Variants in PCDHGB2 observed in about 807,000 individuals in gnomAD.
The protein encoded by PCDHGB2 is protocadherin gamma subfamily B, 2, also known as protocadherin gamma-B2.
A neutral mutation model predicts 59.3 loss-of-function variants in PCDHGB2; 55 were observed. The observed-to-expected ratio is 0.93, with a 90% CI of 0.75 to 1.16. The LOEUF (loss-of-function observed/expected upper bound fraction) is 1.16. PCDHGB2 is among the 50% of genes most tolerant of loss of function. The probability of loss-of-function intolerance (pLI) is 0.00; values close to 1 mark genes in which losing one functional copy is unlikely to be tolerated. For synonymous variants in PCDHGB2, 516 were observed against 512.0 expected, an observed-to-expected ratio of 1.01 and a Z score of -0.11; for missense variants, 1,228 against 1,198.5, an observed-to-expected ratio of 1.02 and a Z score of -0.36.
rs187164796 is a variant in PCDHGB2, at chr5:141,398,527, A to C, written c.2421+35971A>C. On this transcript the variant is annotated intron_variant, in intron 1 of 3. Transcript: ENST00000522605. ...CATTAATGACCACACGCCAAAATTC[A>C]CGCAAAATTCCTTTGAGCTGCAAAT... 1.8e-3 allele frequency: 2,980 copies of C among 1,613,696 alleles called. 47 individuals are homozygous for C. The African/African-American group carries it at 0.033, about 18-fold the overall frequency.
At chr5:141,497,354 A>G (rs1430368474) in intron 2 of PCDHGB2, among the ~76,000 whole-genome samples, 1 of 152,054 alleles carries the variant, frequency 6.6e-6, no homozygotes, top group Non-Finnish European at 1.5e-5. Flanking sequence ...AGCCCCACCA[A>G]CTGCCTCTCA....
At chr5:141,508,408 C>T (rs938019804) in intron 3 of PCDHGB2, 1 of 152,180 alleles carries the variant, frequency 6.6e-6, no homozygotes, top group Non-Finnish European at 1.5e-5. Context: ...GCTTGAGCCA[C>T]GCAGAGACTT....
Position 141,365,565 on chromosome 5 carries a change from G to A in PCDHGB2, c.2421+3009G>A, listed in dbSNP as rs140294664. The A allele has an allele frequency of 1.9e-6, 3 of 1,613,720 alleles. No individual in the cohort carries two copies. The Admixed American group carries it at 5.0e-5, about 27-fold the overall frequency. On this transcript the variant is annotated intron_variant, in intron 1 of 3. Transcript: ENST00000522605. ...CTATTAACAACTAGGGACCTGGACA[G>A]AGAAGAGACTTCAGATTATAATATC...
intron 1 of PCDHGB2, chr5:141,374,879 G>C (rs767481676): frequency 6.2e-7 from 1 of 1,613,694 alleles, no homozygotes; most frequent in Admixed American, 1.7e-5. Flanking sequence ...GGCAGTGACT[G>C]CCACCGACCA....
In PCDHGB2 at chr5:141,421,081, A is replaced by C. The variant is rs775366249; in HGVS notation, c.2421+58525A>C. 61 of 637,820 alleles carry C rather than the reference A, an allele frequency of 9.6e-5. 1 individual carries two copies. The Middle Eastern group carries it at 2.9e-3, about 31-fold the overall frequency. The allele number at this position is 637,820 out of a possible 1,614,324, so 39.5% of individuals were successfully genotyped here. ...ACAAAGCGGAATGAGATGGATACTCACAGATCCTGACACTGGAGACTTAGA... is the reference window on the plus strand; with the variant it reads ...ACAAAGCGGAATGAGATGGATACTCCCAGATCCTGACACTGGAGACTTAGA... On this transcript the variant is annotated intron_variant, in intron 1 of 3. Coordinates refer to ENST00000522605, the MANE Select transcript of PCDHGB2 (RefSeq NM_018923.3).
chr5:141,362,763 G>A, intron 1 of PCDHGB2: 2 of 636,758 alleles, frequency 3.1e-6, no homozygotes, highest in South Asian at 2.1e-5. Flanking sequence ...TTTATCACAT[G>A]AGATATTGCA....
At chr5:141,481,913 CA>C (rs34114744) in intron 1 of PCDHGB2, among the ~76,000 whole-genome samples, 39,195 of 90,872 alleles carry the variant, frequency 0.43, 5,902 homozygotes, top group Admixed American at 0.51. Flanking sequence ...AACTCCATCT[CA>C]AAAAAAAAAA....
Position 141,384,136 on chromosome 5 carries a change from G to A in PCDHGB2, c.2421+21580G>A. ...GGTCACAACCAAAAACTTGGACCGG[G>A]AAACACTCTCTTTGTATAACATCAC... is the stretch of plus-strand genomic sequence containing the variant. On this transcript the variant is annotated intron_variant, in intron 1 of 3. Coordinates refer to ENST00000522605, the MANE Select transcript of PCDHGB2 (RefSeq NM_018923.3). The A allele has an allele frequency of 1.9e-6, 3 of 1,612,410 alleles. No individual in the cohort carries two copies. In the South Asian group the frequency reaches 3.3e-5, roughly 18 times the overall value.
At chr5:141,475,014 C>G (rs2099358221) in intron 1 of PCDHGB2, among the ~76,000 whole-genome samples, 1 of 152,202 alleles carries the variant, frequency 6.6e-6, no homozygotes, top group South Asian at 2.1e-4. Flanking sequence ...AAAGTTAAGG[C>G]TCTTTATTCT....
chr5:141,494,701 C>G, intron 1 of PCDHGB2, 106 bp from the exon 2 acceptor site: 1 of 1,594,596 alleles, frequency 6.3e-7, no homozygotes, highest in Non-Finnish European at 8.6e-7. Context: ...CCGTTTTCTT[C>G]TCTGTGCCCA....
chr5:141,421,473 C>T (rs907282414), intron 1 of PCDHGB2: 10 of 1,613,994 alleles, frequency 6.2e-6, no homozygotes, highest in Middle Eastern at 1.6e-4. Context: ...ATCCGCGAAG[C>T]GGCAGCTTGA....
intron 3 of PCDHGB2, among the ~76,000 whole-genome samples, chr5:141,509,685 A>G (rs923641083): frequency 6.6e-6 from 1 of 152,166 alleles, no homozygotes. Flanking sequence ...TCTTCTGTAC[A>G]GTGGGACGTT....
chr5:141,436,185 A>G (rs1324749623), intron 1 of PCDHGB2, among the ~76,000 whole-genome samples: 1 of 152,142 alleles, frequency 6.6e-6, no homozygotes, highest in Non-Finnish European at 1.5e-5. Flanking sequence ...ATATAGTCAA[A>G]TAGAAAGAAA....
intron 1 of PCDHGB2, chr5:141,419,328 C>T (rs2096360351): frequency 6.2e-7 from 1 of 1,613,954 alleles, no homozygotes. Context: ...GTCTCCTACT[C>T]TCTCATTGCC....
intron 1 of PCDHGB2, among the ~76,000 whole-genome samples, chr5:141,442,736 A>C (rs2098340663): frequency 6.6e-6 from 1 of 152,226 alleles, no homozygotes; most frequent in African/African-American, 2.4e-5. Flanking sequence ...CCTGTAGGTA[A>C]GGAGCATGTT....
At chr5:141,362,681 T>A in intron 1 of PCDHGB2, 125 bp downstream of exon 1, 1 of 1,158,954 alleles carries the variant, frequency 8.6e-7, no homozygotes, top group Non-Finnish European at 1.2e-6. Flanking sequence ...TTAATTGTCT[T>A]AATCTTATCT....
In PCDHGB2 at chr5:141,432,627, C is replaced by G. The variant is rs886117102; in HGVS notation, c.2422-62180C>G. On this transcript the variant is annotated intron_variant, in intron 1 of 3. Transcript: ENST00000522605. This position sits in a 1 kb window ranked among gnomAD's most constrained non-coding sequence, Gnocchi z 6.0. The stretch of plus-strand genomic sequence containing the variant: ...GGACTCTTCTCGGTGGGTCTGCACA[C>G]GGGCGAGGTGCGCACGGCGCGAGCC... The G allele has an allele frequency of 1.2e-6, 2 of 1,613,652 alleles. No individual in the cohort carries two copies. The highest frequency in any genetic ancestry group is 2.7e-5 in the African/African-American group (2 of 74,886).
Position 141,512,559 on chromosome 5 carries a change from C to T in PCDHGB2, c.*1386C>T, listed in dbSNP as rs1396321304. The T allele has an allele frequency of 6.5e-6, 1 of 152,904 alleles. No individual in the cohort carries two copies. The highest frequency in any genetic ancestry group is 1.5e-5 in the Non-Finnish European group (1 of 68,438). The allele number at this position is 152,904 out of a possible 1,614,324, so 9.5% of individuals were successfully genotyped here. ...CCCCAGTGCCTCCTTGTGCATAGAC[C>T]TTCTTCTCCCACCCCCTTCTGCCCC... On this transcript the variant is annotated 3_prime_UTR_variant, in exon 4 of 4. Coordinates refer to ENST00000522605, the MANE Select transcript of PCDHGB2 (RefSeq NM_018923.3).
intron 1 of PCDHGB2, chr5:141,478,675 G>A (rs1264846161): frequency 6.4e-7 from 1 of 1,551,574 alleles, no homozygotes; most frequent in South Asian, 1.2e-5. Context: ...ACTTTCAACT[G>A]GCCCTTCCTA....
Sources: allele counts gnomAD v4.1 joint callset (sites outside exome capture counted in the v4.1 genomes callset), GRCh38; gene constraint gnomAD v4.1.1; non-coding constraint Gnocchi (gnomAD v3.1); transcripts MANE v1.5; gene names NCBI Gene and HGNC (gene_info 2026-07-23, HGNC 2026-07-21).